PTPRE: variants seen among roughly 807,000 people sequenced by gnomAD.
PTPRE encodes the protein receptor-type tyrosine-protein phosphatase epsilon.
PTPRE carries 51 observed loss-of-function variants against 102.0 expected under a neutral mutation model. The ratio of observed to expected loss-of-function variants is 0.50; its 90% CI spans 0.40 to 0.63. PTPRE has a LOEUF of 0.63. Ranked by LOEUF, PTPRE falls within the 30% of genes least tolerant of loss-of-function variation. The pLI is 0.00. For synonymous variants in PTPRE, 345 were observed against 348.2 expected (o/e 0.99, Z 0.10); for missense variants, 752 against 915.1 (o/e 0.82, Z 2.30).
chr10:127,963,879 G>A (rs963764159), intron 1 of PTPRE, among the ~76,000 whole-genome samples: 1 of 152,198 alleles, frequency 6.6e-6, no homozygotes, highest in South Asian at 2.1e-4. Flanking sequence ...CCAAGGCAGT[G>A]GTCTTCAGCC....
chr10:128,071,267 A>G (rs1345392379), intron 15 of PTPRE: 3 of 296,444 alleles, frequency 1.0e-5, no homozygotes, highest in Non-Finnish European at 1.9e-5. Context: ...GCCTGGGCAG[A>G]GGCCCGCCTC....
At position 127,924,566 on chromosome 10, in the gene PTPRE, TG is replaced by T. The variant is rs139730448; in HGVS notation, c.-31+17260del. On this transcript the variant is annotated intron_variant, in intron 1 of 20. Coordinates refer to ENST00000254667, the MANE Select transcript of PTPRE (RefSeq NM_006504.6). ...TTAAGACCACAAGATCAGGCAGACATGGGATTGTCAGCAGGATTTTTACCAT... is the reference window on the plus strand; with the variant it reads ...TTAAGACCACAAGATCAGGCAGACATGGATTGTCAGCAGGATTTTTACCAT... Among the ~76,000 whole-genome samples the T allele has an allele frequency of 2.4e-3, 368 of 152,272 alleles. 1 individual carries two copies. Among genetic ancestry groups the T allele is most frequent in the African/African-American group, 8.3e-3 (346 of 41,548 alleles).
intron 2 of PTPRE, among the ~76,000 whole-genome samples, chr10:128,029,035 G>A (rs1846499191): frequency 6.6e-6 from 1 of 152,176 alleles, no homozygotes; most frequent in Admixed American, 6.5e-5. Flanking sequence ...TTACCTTATG[G>A]GGGCATCCTC....
At chr10:127,964,971 G>A (rs746043165) in intron 1 of PTPRE, 9 of 456,506 alleles carry the variant, frequency 2.0e-5, no homozygotes, top group African/African-American at 6.0e-5. Context: ...GGACCGTGCC[G>A]TGAACCTTTT....
chr10:128,077,597 A>T lies in PTPRE; in HGVS notation c.1726-20A>T, dbSNP rs772025368. 5.7e-6 allele frequency: 9 copies of T among 1,588,000 alleles called. No individual in the cohort carries two copies. In the South Asian group the frequency reaches 8.9e-5, roughly 16 times the overall value. On this transcript the variant is annotated intron_variant, in intron 18 of 20. Coordinates refer to ENST00000254667, the MANE Select transcript of PTPRE (RefSeq NM_006504.6). ...TCCCCGGCAGGCAGGCGACGCTGAG[A>T]CCCCCTCTCCTCCCTGCAGCCCCAG...
intron 1 of PTPRE, among the ~76,000 whole-genome samples, chr10:127,975,557 A>G (rs1564841784): frequency 6.6e-6 from 1 of 152,172 alleles, no homozygotes; most frequent in Non-Finnish European, 1.5e-5. Flanking sequence ...GCTTAGCCTC[A>G]TCGCAGACCT....
chr10:127,956,228 TCTAAAAAC>T (rs1849393051), intron 1 of PTPRE, among the ~76,000 whole-genome samples: 1 of 152,116 alleles, frequency 6.6e-6, no homozygotes, highest in African/African-American at 2.4e-5. Context: ...TTAAAGAATA[TCTAAAAAC>T]CTGGTAAAAC....
chr10:127,997,172 T>G (rs887725892), intron 2 of PTPRE, among the ~76,000 whole-genome samples: 4 of 152,160 alleles, frequency 2.6e-5, no homozygotes, highest in Admixed American at 2.6e-4. Context: ...CAATCCAGAT[T>G]ATTTCTCCCC....
At chr10:127,998,944 T>C (rs1304132191) in intron 2 of PTPRE, 2 of 152,174 alleles carry the variant, frequency 1.3e-5, no homozygotes, top group Middle Eastern at 3.2e-3. Flanking sequence ...GAGTAGACCT[T>C]GAGGGTCCAT....
At chr10:128,012,580 C>T (rs776066412) in intron 2 of PTPRE, among the ~76,000 whole-genome samples, 2 of 152,186 alleles carry the variant, frequency 1.3e-5, no homozygotes, top group Non-Finnish European at 2.9e-5. Context: ...GGTTTCTGCT[C>T]AGCTCAGGAG....
intron 5 of PTPRE, among the ~76,000 whole-genome samples, chr10:128,048,094 C>T (rs1848252186): frequency 6.6e-6 from 1 of 152,114 alleles, no homozygotes; most frequent in South Asian, 2.1e-4. Context: ...CTGTTCATAT[C>T]CTGTCGTTTT....
intron 1 of PTPRE, among the ~76,000 whole-genome samples, chr10:127,978,454 C>T (rs1017472713): frequency 2.6e-5 from 4 of 152,116 alleles, no homozygotes; most frequent in Admixed American, 1.3e-4. Context: ...GGCAGAAAGA[C>T]GGCTTGAGCC....
chr10:128,036,894 A>T (rs994685752), intron 2 of PTPRE, among the ~76,000 whole-genome samples: 1 of 152,128 alleles, frequency 6.6e-6, no homozygotes, highest in African/African-American at 2.4e-5. Context: ...CTCCCAGGTG[A>T]TGCTCGGGCT....
rs1848441652 is a variant in PTPRE at position 127,944,073 on chromosome 10, G to A, written c.-31+36764G>A. ...ACAAAGTTGCTCCTGTCAGGGATGT[G>A]AGTCAGCCAATGGCCAAGCTTTGAC... On this transcript the variant is annotated intron_variant, in intron 1 of 20. Coordinates refer to ENST00000254667, the MANE Select transcript of PTPRE (RefSeq NM_006504.6). This position sits in a 1 kb window ranked among gnomAD's most constrained non-coding sequence, Gnocchi z 4.2. 2.0e-5 allele frequency among the ~76,000 whole-genome samples: 3 copies of A among 152,198 alleles called. No homozygotes were observed. Among genetic ancestry groups the A allele is most frequent in the Admixed American group, 2.0e-4 (3 of 15,290 alleles).
intron 1 of PTPRE, among the ~76,000 whole-genome samples, chr10:127,916,909 C>A (rs1374115111): frequency 6.6e-6 from 1 of 152,058 alleles, no homozygotes; most frequent in Non-Finnish European, 1.5e-5. Flanking sequence ...TCTTTCCTAA[C>A]ACCCCTCCCC....
At chr10:128,069,920 G>A in intron 13 of PTPRE, 93 bp downstream of exon 13, 1 of 1,585,516 alleles carries the variant, frequency 6.3e-7, no homozygotes, top group Non-Finnish European at 8.6e-7. Flanking sequence ...GCTCTGATGG[G>A]CACGTGGCAA....
intron 17 of PTPRE, among the ~76,000 whole-genome samples, chr10:128,075,011 A>G (rs1274797882): frequency 2.0e-5 from 3 of 152,234 alleles, no homozygotes; most frequent in African/African-American, 7.2e-5. Flanking sequence ...GTTTATGCCT[A>G]CGTAGACTGT....
intron 2 of PTPRE, among the ~76,000 whole-genome samples, chr10:128,017,303 G>T (rs1409536491): frequency 6.6e-6 from 1 of 152,114 alleles, no homozygotes; most frequent in African/African-American, 2.4e-5. Flanking sequence ...AGAGCTGAGA[G>T]CTATAGAAAT....
intron 1 of PTPRE, among the ~76,000 whole-genome samples, chr10:127,917,240 G>T (rs1261124492): frequency 1.3e-5 from 2 of 151,248 alleles, no homozygotes; most frequent in Non-Finnish European, 2.9e-5. Context: ...GGTGCCAGAG[G>T]GGGAAGCCGC....
Sources: gnomAD v4.1 joint callset for allele counts (sites outside exome capture counted in the v4.1 genomes callset) on GRCh38, gnomAD v4.1.1 for gene constraint, Gnocchi (gnomAD v3.1) non-coding constraint, MANE v1.5 for transcripts, NCBI Gene and HGNC (gene_info 2026-07-23, HGNC 2026-07-21) for gene names.